The following KIAA1958 variants were observed in gnomAD, a reference collection of about 807,000 sequenced individuals.
KIAA1958 encodes the protein uncharacterized protein KIAA1958.
In KIAA1958, 14 loss-of-function variants were observed where a neutral mutation model predicts 47.2. That is an observed-to-expected ratio of 0.30 (90% CI 0.20 to 0.46). The LOEUF (loss-of-function observed/expected upper bound fraction) is 0.46. KIAA1958 is among the 20% of genes least tolerant of loss of function. KIAA1958 has a pLI of 1.00. For missense variants in KIAA1958, 803 were observed against 909.2 expected (o/e 0.88, Z 1.50); for synonymous variants, 354 against 353.3 (o/e 1.00, Z -0.02).
At chr9:112,609,431 G>A (rs1836287099) in intron 2 of KIAA1958, among the ~76,000 whole-genome samples, 1 of 152,080 alleles carries the variant, frequency 6.6e-6, no homozygotes, top group Non-Finnish European at 1.5e-5. Context: ...AGTAAATATA[G>A]GAATTTACTG....
At chr9:112,628,434 A>T (rs1836656095) in intron 2 of KIAA1958, among the ~76,000 whole-genome samples, 1 of 152,184 alleles carries the variant, frequency 6.6e-6, no homozygotes. Flanking sequence ...TGCTGTAGAC[A>T]TTTGCCCCTC....
intron 2 of KIAA1958, among the ~76,000 whole-genome samples, chr9:112,600,946 C>T (rs139507761): frequency 9.2e-5 from 14 of 152,280 alleles, no homozygotes; most frequent in Middle Eastern, 3.4e-3. Context: ...ACCCATTTTA[C>T]AATTGAAGAA....
chr9:112,507,874 C>G (rs1834257730), intron 1 of KIAA1958, among the ~76,000 whole-genome samples: 1 of 151,898 alleles, frequency 6.6e-6, no homozygotes, highest in African/African-American at 2.4e-5. Context: ...CTCAAGCAGT[C>G]CTCCTGCCTC....
intron 2 of KIAA1958, among the ~76,000 whole-genome samples, chr9:112,628,312 A>G (rs1324100030): frequency 6.6e-6 from 1 of 152,238 alleles, no homozygotes; most frequent in Non-Finnish European, 1.5e-5. Context: ...TGCTGATGAA[A>G]TTACTGATTT....
chr9:112,531,354 C>G (rs975000960), intron 1 of KIAA1958, among the ~76,000 whole-genome samples: 1 of 152,168 alleles, frequency 6.6e-6, no homozygotes, highest in Non-Finnish European at 1.5e-5. Flanking sequence ...CGCCATTGCA[C>G]TCCAGCCTGG....
intron 1 of KIAA1958, among the ~76,000 whole-genome samples, chr9:112,552,666 A>C (rs369663703): frequency 6.6e-6 from 1 of 152,230 alleles, no homozygotes; most frequent in Admixed American, 6.5e-5. Flanking sequence ...TCACTTAAAA[A>C]CAAGGAAAAC....
intron 2 of KIAA1958, among the ~76,000 whole-genome samples, chr9:112,635,874 A>G (rs1176609747): frequency 1.3e-5 from 2 of 151,650 alleles, no homozygotes; most frequent in African/African-American, 4.8e-5. Flanking sequence ...TCTTAATTGT[A>G]GTGTTTCCTT....
intron 2 of KIAA1958, among the ~76,000 whole-genome samples, chr9:112,630,523 G>A (rs1588046956): frequency 6.6e-6 from 1 of 152,198 alleles, no homozygotes; most frequent in East Asian, 1.9e-4. Context: ...CCAAGCTAAG[G>A]AGATACCGTG....
At position 112,618,177 on chromosome 9, in the gene KIAA1958, G is replaced by A. The variant is rs865903794; in HGVS notation, c.1172-27473G>A. ...ATCACCAGGGATAAGGAATTCAAGCGTTCCCAAGAGGCCCTGAAGCAGAAG... is the reference window on the plus strand; with the variant it reads ...ATCACCAGGGATAAGGAATTCAAGCATTCCCAAGAGGCCCTGAAGCAGAAG... On this transcript the variant is annotated intron_variant, in intron 2 of 3. Coordinates refer to ENST00000337530, the MANE Select transcript of KIAA1958 (RefSeq NM_133465.4). This position sits in a 1 kb window ranked among gnomAD's most constrained non-coding sequence, Gnocchi z 7.1. 2.5e-5 allele frequency: 39 copies of A among 1,550,460 alleles called. No homozygotes were observed. Among genetic ancestry groups the A allele is most frequent in the Middle Eastern group, 1.7e-4 (1 of 6,016 alleles).
At chr9:112,569,533 A>G (rs930057210) in intron 1 of KIAA1958, among the ~76,000 whole-genome samples, 1 of 152,208 alleles carries the variant, frequency 6.6e-6, no homozygotes, top group Non-Finnish European at 1.5e-5. Context: ...ATTGTAGCCA[A>G]TCAGCTCATC....
At chr9:112,492,084 TAACCAGCTAGGAC>T (rs1383562146) in intron 1 of KIAA1958, among the ~76,000 whole-genome samples, 1 of 152,230 alleles carries the variant, frequency 6.6e-6, no homozygotes, top group South Asian at 2.1e-4. Flanking sequence ...TGTGAATTCT[TAACCAGCTAGGAC>T]TACTTCCTCT....
At chr9:112,491,085 C>G (rs1403398430) in intron 1 of KIAA1958, among the ~76,000 whole-genome samples, 1 of 152,210 alleles carries the variant, frequency 6.6e-6, no homozygotes, top group Admixed American at 6.5e-5. Context: ...ACATCTCAAC[C>G]TCCCAAGTAG....
At chr9:112,508,650 G>C (rs1424086152) in intron 1 of KIAA1958, among the ~76,000 whole-genome samples, 1 of 152,212 alleles carries the variant, frequency 6.6e-6, no homozygotes, top group African/African-American at 2.4e-5. Flanking sequence ...TACAATGCCA[G>C]AAGGATGGTT....
chr9:112,659,665 A>G lies in KIAA1958; in HGVS notation c.1747A>G (p.Ile583Val), dbSNP rs1564205194. The G allele has an allele frequency of 1.9e-6, 3 of 1,614,076 alleles. No homozygotes were observed. The highest frequency in any genetic ancestry group is 2.5e-6 in the Non-Finnish European group (3 of 1,180,054). ...QEHADLMYGD[I>V]ELLKDPQNQP... is the part of the protein sequence containing the mutation. ...GCATGCGGATCTGATGTATGGTGAC[A>G]TCGAGCTGCTCAAAGACCCCCAAAA... is the stretch of plus-strand genomic sequence containing the variant. The change falls in exon 4 of 4, where the codon ATC (isoleucine) becomes GTC (valine). Residue 583 changes from isoleucine (I) to valine (V), a missense_variant. Around this residue, in one of 2 missense-constraint regions of KIAA1958, gnomAD observed 761 missense variants for 829.3 expected, o/e 0.92. Transcript: ENST00000337530.
intron 2 of KIAA1958, among the ~76,000 whole-genome samples, chr9:112,642,595 TTCTC>T (rs1836910116): frequency 6.6e-6 from 1 of 152,194 alleles, no homozygotes; most frequent in Admixed American, 6.5e-5. Context: ...AGTCCCTTCT[TTCTC>T]TCACGCCCAG....
intron 1 of KIAA1958, among the ~76,000 whole-genome samples, chr9:112,518,899 T>C (rs1256102604): frequency 6.6e-6 from 1 of 151,908 alleles, no homozygotes; most frequent in African/African-American, 2.4e-5. Context: ...ATTGACTGGT[T>C]TTTGGAACCA....
intron 1 of KIAA1958, among the ~76,000 whole-genome samples, chr9:112,523,792 A>T (rs763979769): frequency 6.6e-6 from 1 of 152,208 alleles, no homozygotes; most frequent in Non-Finnish European, 1.5e-5. Context: ...TAACTGAGGG[A>T]ACACTTAGGT....
Position 112,666,832 on chromosome 9 carries a change from A to T in KIAA1958, c.*6763A>T, listed in dbSNP as rs1020396024. The T allele has an allele frequency of 1.3e-5, 2 of 152,220 alleles. No homozygotes were observed. Among genetic ancestry groups the T allele is most frequent in the African/African-American group, 4.8e-5 (2 of 41,456 alleles). 9.4% of individuals were successfully genotyped at this position (152,220 alleles called of 1,614,324 possible). On this transcript the variant is annotated 3_prime_UTR_variant, in exon 4 of 4. Transcript: ENST00000337530. The stretch of plus-strand genomic sequence containing the variant: ...AGAGAAATACTAGCTGATGCTTATT[A>T]CACCGGGAAGAGAAAAAGTTCATAT...
intron 3 of KIAA1958, among the ~76,000 whole-genome samples, chr9:112,654,363 T>C (rs1162974831): frequency 6.6e-6 from 1 of 152,106 alleles, no homozygotes; most frequent in South Asian, 2.1e-4. Flanking sequence ...TTTTGGCAAG[T>C]TGTTTGAATT....
Sources: gnomAD v4.1 joint callset for allele counts (sites outside exome capture counted in the v4.1 genomes callset) on GRCh38, gnomAD v4.1.1 for gene constraint, gnomAD v4.1.1 regional missense constraint, Gnocchi (gnomAD v3.1) non-coding constraint, MANE v1.5 for transcripts, NCBI Gene and HGNC (gene_info 2026-07-23, HGNC 2026-07-21) for gene names.